The following NEB variants were observed in gnomAD, a reference collection of about 807,000 sequenced individuals.
The protein encoded by NEB is nebulin.
A neutral mutation model predicts 952.2 loss-of-function variants in NEB; 512 were observed. That is an observed-to-expected ratio of 0.54 (90% CI 0.50 to 0.58). The LOEUF (loss-of-function observed/expected upper bound fraction) is 0.58, where lower values mean the gene tolerates loss of function less well. Among genes scored for constraint, NEB ranks in the 20% least tolerant of loss-of-function variants. The pLI is 0.00. For missense variants in NEB, 8,428 were observed against 9,231.1 expected (o/e 0.91, Z 3.56); for synonymous variants, 2,900 against 3,149.8 (o/e 0.92, Z 2.66).
chr2:151,637,233 A>G (rs1183721760), intron 63 of NEB, among the ~76,000 whole-genome samples: 2 of 152,226 alleles, frequency 1.3e-5, no homozygotes, highest in Non-Finnish European at 2.9e-5. Context: ...ACTGAGAATC[A>G]GGGAAGTTCT....
intron 3 of NEB, among the ~76,000 whole-genome samples, chr2:151,732,614 G>A (rs1305111160): frequency 5.9e-5 from 9 of 152,126 alleles, no homozygotes; most frequent in Admixed American, 5.2e-4. Context: ...ACATGTGTAT[G>A]TATTATGTAT....
chr2:151,568,166 C>T lies in NEB; in HGVS notation c.17749G>A (p.Glu5917Lys). 1.2e-6 allele frequency: 2 copies of T among 1,613,158 alleles called. No individual in the cohort carries two copies. The highest frequency in any genetic ancestry group is 1.1e-5 in the South Asian group (1 of 90,942). Reference protein sequence around the residue: ...ARILDQYLYKEGWERQKATGY... With the variant: ...ARILDQYLYKKGWERQKATGY... ...GTGGCTTTTTGTCTCTCCCAGCCTT[C>T]CTTGTAGAGATACTGAAAGACAGAG... Residue 5917 changes from glutamate (E) to lysine (K), a missense_variant, in exon 113 of 182, where the codon GAA (glutamate) becomes AAA (lysine). Around this residue, in one of 11 missense-constraint regions of NEB, gnomAD observed 3,374 missense variants for 3,651.5 expected, o/e 0.92. Coordinates refer to ENST00000397345, the MANE Select transcript of NEB (RefSeq NM_001164508.2).
At position 151,677,581 on chromosome 2, in the gene NEB, G is replaced by A. The variant is rs767433330; in HGVS notation, c.3758C>T (p.Thr1253Met). 69 of 1,613,184 alleles carry A rather than the reference G, an allele frequency of 4.3e-5. No individual in the cohort carries two copies. Among genetic ancestry groups the A allele is most frequent in the Non-Finnish European group, 5.6e-5 (66 of 1,179,520 alleles). Residue 1253 changes from threonine (T) to methionine (M), a missense_variant, in exon 34 of 182, where the codon ACG becomes ATG. Physicochemically the swap from Thr to Met is moderately conservative, Grantham distance 81. Transcript: ENST00000397345. ...SPVMVQAKQN[T>M]KQVSDILYKA... is the part of the protein sequence containing the mutation. ...TGTACTCACATCACTGACTTGCTTC[G>A]TGTTCTGTTTTGCCTGGACCATAAC...
chr2:151,497,908 T>C, intron 170 of NEB, 190 bp from the exon 171 acceptor site: 5 of 1,475,522 alleles, frequency 3.4e-6, no homozygotes, highest in South Asian at 1.4e-5. Flanking sequence ...AAGCAGGGAC[T>C]TCAGCTGCTG....
rs2098887283 is a variant in NEB, at chr2:151,642,500, C to T, written c.8373+74G>A. ...GCTTTAACCTCATGGCTTACTTGTG[C>T]CACTATAAATCCAGGAGAGAGAAAT... is the stretch of plus-strand genomic sequence containing the variant. On this transcript the variant is annotated intron_variant, in intron 60 of 181. Transcript: ENST00000397345. The T allele has an allele frequency of 3.2e-6, 4 of 1,251,270 alleles. No homozygotes were observed. The East Asian group carries it at 7.2e-5, about 22-fold the overall frequency. The allele number at this position is 1,251,270 out of a possible 1,614,324, so 77.5% of individuals were successfully genotyped here.
At chr2:151,552,517 T>C (rs551320985) in intron 128 of NEB, among the ~76,000 whole-genome samples, 155 bp downstream of exon 128, 7 of 152,286 alleles carry the variant, frequency 4.6e-5, no homozygotes, top group East Asian at 3.9e-4. Flanking sequence ...CAGGAAACAA[T>C]AGCCAGCAGC....
intron 153 of NEB, among the ~76,000 whole-genome samples, chr2:151,523,307 C>G (rs1240929495): frequency 6.6e-6 from 1 of 152,156 alleles, no homozygotes; most frequent in Non-Finnish European, 1.5e-5. Context: ...TGCTTTTCAT[C>G]AGTCATCTGA....
chr2:151,621,009 G>A lies in NEB; in HGVS notation c.10470C>T (p.Ala3490=), dbSNP rs2098404460. 1 of 1,610,120 alleles carries A rather than the reference G, an allele frequency of 6.2e-7. No homozygotes were observed. The highest frequency in any genetic ancestry group is 8.5e-7 in the Non-Finnish European group (1 of 1,177,990). The change falls in exon 72 of 182, where the codon GCC becomes GCT. Residue 3490 remains alanine, a synonymous_variant. Transcript: ENST00000397345. ...INYSESLYRQ[A]MEEAKKEGYD... is the part of the protein sequence containing the mutation. ...AGCCTTCTTTCTTGGCTTCTTCCAT[G>A]GCCTGACGATAGAGGCTCTGAGGAA...
chr2:151,631,108 G>A, intron 66 of NEB, 35 bp downstream of exon 66: 5 of 1,608,406 alleles, frequency 3.1e-6, no homozygotes, highest in Non-Finnish European at 3.4e-6. Context: ...ACATCTTCTG[G>A]CATCTTGGAG....
intron 71 of NEB, 72 bp from the exon 72 acceptor site, chr2:151,621,098 A>C: frequency 2.4e-6 from 3 of 1,233,182 alleles, no homozygotes; most frequent in Non-Finnish European, 3.5e-6. Flanking sequence ...CTGCCAAAGG[A>C]AGACCACTTT....
chr2:151,688,287 C>G lies in NEB; in HGVS notation c.2415+5G>C. 1.2e-6 allele frequency: 2 copies of G among 1,600,496 alleles called. No homozygotes were observed. The highest frequency in any genetic ancestry group is 1.7e-6 in the Non-Finnish European group (2 of 1,167,932). On this transcript the variant is annotated splice_donor_5th_base_variant and intron_variant, in intron 25 of 181. Coordinates refer to ENST00000397345, the MANE Select transcript of NEB (RefSeq NM_001164508.2). ...AACATAGGCTTCTGTGGCTTTGGTACTTACATCACTCAGATTATAGGCATT... is the reference window on the plus strand; with the variant it reads ...AACATAGGCTTCTGTGGCTTTGGTAGTTACATCACTCAGATTATAGGCATT...
chr2:151,487,371 TG>T (rs1392978481), intron 181 of NEB, among the ~76,000 whole-genome samples: 2 of 152,236 alleles, frequency 1.3e-5, no homozygotes, highest in African/African-American at 4.8e-5. Context: ...GGTTTTTTCT[TG>T]CATTTTGAAA....
intron 107 of NEB, among the ~76,000 whole-genome samples, chr2:151,571,957 A>G (rs1484627177): frequency 6.6e-6 from 1 of 152,232 alleles, no homozygotes; most frequent in Non-Finnish European, 1.5e-5. Context: ...CTTTTGTATA[A>G]ATTTTGAGTA....
intron 9 of NEB, among the ~76,000 whole-genome samples, chr2:151,719,096 C>T (rs919830958): frequency 3.9e-5 from 6 of 152,200 alleles, no homozygotes; most frequent in African/African-American, 1.4e-4. Flanking sequence ...CTCAACTTGG[C>T]CATTACCTCC....
chr2:151,494,626 G>A (rs1190537745), intron 173 of NEB, among the ~76,000 whole-genome samples: 1 of 151,960 alleles, frequency 6.6e-6, no homozygotes, highest in East Asian at 1.9e-4. Flanking sequence ...TAATACATCA[G>A]CTGTTTGTTT....
At chr2:151,507,128 C>A (rs1652222063) in intron 162 of NEB, 115 bp from the exon 163 acceptor site, 2 of 671,280 alleles carry the variant, frequency 3.0e-6, no homozygotes, top group South Asian at 3.8e-5. Flanking sequence ...AAAGTCTATG[C>A]ACAATAATTA....
chr2:151,655,899 T>G lies in NEB; in HGVS notation c.6620A>C (p.His2207Pro). ...EYASDQKYRQ[H>P]PSNFQFKKLT... ...CTTCTTAAACTGGAAGTTGCTCGGG[T>G]GCTGGCGGTATTTCTGATCACTGGC... The change falls in exon 50 of 182, where the codon CAC (histidine) becomes CCC (proline). Residue 2207 changes from histidine (H) to proline (P), a missense_variant. Transcript: ENST00000397345. 1 of 1,613,820 alleles carries G rather than the reference T, an allele frequency of 6.2e-7. No individual in the cohort carries two copies. Among genetic ancestry groups the G allele is most frequent in the Non-Finnish European group, 8.5e-7 (1 of 1,179,804 alleles).
intron 18 of NEB, among the ~76,000 whole-genome samples, chr2:151,695,317 C>T (rs1332095979): frequency 1.3e-5 from 2 of 152,120 alleles, no homozygotes; most frequent in Non-Finnish European, 2.9e-5. Context: ...ATTAAGCATA[C>T]ATGAGACGTA....
intron 18 of NEB, 88 bp from the exon 19 acceptor site, chr2:151,694,717 C>A (rs1279455883): frequency 5.2e-6 from 5 of 968,662 alleles, no homozygotes; most frequent in African/African-American, 3.3e-5. Context: ...AATACCTTAT[C>A]TTAATATAAA....
Sources: allele counts gnomAD v4.1 joint callset (sites outside exome capture counted in the v4.1 genomes callset), GRCh38; gene constraint gnomAD v4.1.1; regional missense constraint gnomAD v4.1.1; transcripts MANE v1.5; gene names NCBI Gene and HGNC (gene_info 2026-07-23, HGNC 2026-07-21).